LSAMP: variants seen among roughly 807,000 people sequenced by gnomAD.
LSAMP encodes limbic system-associated membrane protein.
LSAMP carries 7 observed loss-of-function variants against 38.6 expected under a neutral mutation model. That is an observed-to-expected ratio of 0.18 (90% CI 0.10 to 0.34). The LOEUF is 0.34. Among genes scored for constraint, LSAMP ranks in the 10% least tolerant of loss-of-function variants. LSAMP has a pLI of 1.00. For missense variants in LSAMP, 313 were observed against 420.0 expected, an observed-to-expected ratio of 0.75 and a Z score of 2.23; for synonymous variants, 154 against 166.8, an observed-to-expected ratio of 0.92 and a Z score of 0.59.
chr3:116,186,130 C>A (rs192272460), intron 1 of LSAMP, among the ~76,000 whole-genome samples: 36 of 152,178 alleles, frequency 2.4e-4, no homozygotes, highest in Admixed American at 2.2e-3. Context: ...GATTGTGTGT[C>A]TGGCTATGTC....
At chr3:116,349,828 G>C (rs2048113465) in intron 1 of LSAMP, among the ~76,000 whole-genome samples, 1 of 151,812 alleles carries the variant, frequency 6.6e-6, no homozygotes, top group Non-Finnish European at 1.5e-5. Flanking sequence ...AGTCTCTCTG[G>C]GGAAATAAAA....
At position 116,046,138 on chromosome 3, in the gene LSAMP, C is replaced by T. The variant is rs1047963279; in HGVS notation, c.389-26498G>A. Among the ~76,000 whole-genome samples the T allele has an allele frequency of 2.0e-5, 3 of 152,332 alleles. 1 individual carries two copies. On this transcript the variant is annotated intron_variant, in intron 2 of 6. Transcript: ENST00000490035. Reference sequence around the variant, plus strand: ...TTCTCTAATAAGTCATATAAGGAAACTCAGTCAACATAGCATTTCCTAGAA... The same window carrying T: ...TTCTCTAATAAGTCATATAAGGAAATTCAGTCAACATAGCATTTCCTAGAA...
intron 1 of LSAMP, among the ~76,000 whole-genome samples, chr3:116,126,737 C>T (rs1238826338): frequency 6.6e-6 from 1 of 152,140 alleles, no homozygotes; most frequent in African/African-American, 2.4e-5. Context: ...TGGTGCATGC[C>T]TGTAATCCCA....
chr3:116,285,363 T>A (rs1487469127), intron 1 of LSAMP, among the ~76,000 whole-genome samples: 1 of 152,126 alleles, frequency 6.6e-6, no homozygotes, highest in Non-Finnish European at 1.5e-5. Flanking sequence ...CCTTTTTCTC[T>A]TATAGATATA....
chr3:116,285,036 AC>A (rs2047174993), intron 1 of LSAMP, among the ~76,000 whole-genome samples: 1 of 152,204 alleles, frequency 6.6e-6, no homozygotes, highest in Admixed American at 6.5e-5. Flanking sequence ...AAGACAAATA[AC>A]AGAAACAACA....
chr3:115,981,699 A>G (rs1939365017), intron 3 of LSAMP, among the ~76,000 whole-genome samples: 1 of 152,170 alleles, frequency 6.6e-6, no homozygotes, highest in Admixed American at 6.6e-5. Flanking sequence ...GCTTTAGTCA[A>G]TATTGTCCCA....
At chr3:115,864,680 A>C (rs1028715907) in intron 3 of LSAMP, among the ~76,000 whole-genome samples, 1 of 152,118 alleles carries the variant, frequency 6.6e-6, no homozygotes, top group African/African-American at 2.4e-5. Context: ...GGAACTTCTA[A>C]GTTCCCTAGT....
chr3:115,869,058 C>T (rs1693885163), intron 3 of LSAMP, among the ~76,000 whole-genome samples: 1 of 152,006 alleles, frequency 6.6e-6, no homozygotes, highest in Non-Finnish European at 1.5e-5. Context: ...GTTTGAAAAC[C>T]ATTTAACTCA....
chr3:116,010,256 AT>A (rs751909167), intron 3 of LSAMP, among the ~76,000 whole-genome samples: 1 of 152,200 alleles, frequency 6.6e-6, no homozygotes, highest in Non-Finnish European at 1.5e-5. Context: ...AATGTCCTAT[AT>A]TTTAAAGATG....
chr3:115,944,814 A>G (rs1034983218), intron 3 of LSAMP, among the ~76,000 whole-genome samples: 2 of 152,148 alleles, frequency 1.3e-5, no homozygotes, highest in African/African-American at 2.4e-5. Flanking sequence ...GAGATCTTTA[A>G]CCTCTATGGT....
chr3:116,217,334 A>G (rs575224395), intron 1 of LSAMP, among the ~76,000 whole-genome samples: 21 of 152,360 alleles, frequency 1.4e-4, no homozygotes, highest in African/African-American at 4.1e-4. Flanking sequence ...CATTCACGTT[A>G]TAGAAGAGTG....
intron 1 of LSAMP, among the ~76,000 whole-genome samples, chr3:116,110,092 G>A (rs1231841605): frequency 6.6e-6 from 1 of 152,072 alleles, no homozygotes; most frequent in Admixed American, 6.5e-5. Context: ...TAGAAAAGTG[G>A]GACTTGCTGC....
rs185266924 is a variant in LSAMP, at chr3:116,178,528, A to G, written c.156-91972T>C. ...GGAGGCAATGATAAATCTAAGCCTT[A>G]GTACCTAAACCAGCAACATACAGAG... is the stretch of plus-strand genomic sequence containing the variant. On this transcript the variant is annotated intron_variant, in intron 1 of 6. Transcript: ENST00000490035. Among the ~76,000 whole-genome samples, 12 of 152,334 alleles carry G rather than the reference A, an allele frequency of 7.9e-5. No homozygotes were observed. The East Asian group carries it at 2.1e-3, about 27-fold the overall frequency.
chr3:116,427,156 C>T (rs1307012098), intron 1 of LSAMP, among the ~76,000 whole-genome samples: 2 of 139,304 alleles, frequency 1.4e-5, no homozygotes, highest in African/African-American at 5.3e-5. Flanking sequence ...CTCTGTCGCC[C>T]AGGCCGGACT....
intron 1 of LSAMP, among the ~76,000 whole-genome samples, chr3:116,351,337 G>T (rs2048136853): frequency 6.6e-6 from 1 of 151,982 alleles, no homozygotes; most frequent in Non-Finnish European, 1.5e-5. Context: ...TCAAAAGCTA[G>T]ACATGTGAAG....
chr3:115,902,173 C>T (rs1368876197), intron 3 of LSAMP, among the ~76,000 whole-genome samples: 1 of 151,888 alleles, frequency 6.6e-6, no homozygotes, highest in African/African-American at 2.4e-5. Context: ...TAAAAATGAG[C>T]TCATGCATTC....
At chr3:116,001,943 T>A (rs1176026219) in intron 3 of LSAMP, among the ~76,000 whole-genome samples, 2 of 152,154 alleles carry the variant, frequency 1.3e-5, no homozygotes, top group Non-Finnish European at 2.9e-5. Context: ...AATATAGACA[T>A]CTTTGGGGGG....
intron 1 of LSAMP, among the ~76,000 whole-genome samples, chr3:116,247,547 T>G (rs2107644686): frequency 1.3e-5 from 2 of 152,336 alleles, no homozygotes; most frequent in South Asian, 2.1e-4. Flanking sequence ...ATGGAGATTT[T>G]TAGAGATATT....
At chr3:116,434,749 A>G (rs1042934128) in intron 1 of LSAMP, among the ~76,000 whole-genome samples, 1 of 152,122 alleles carries the variant, frequency 6.6e-6, no homozygotes, top group African/African-American at 2.4e-5. Flanking sequence ...ACAGGGTGCC[A>G]CCACATTGGC....
Sources: gnomAD v4.1 joint callset for allele counts (sites outside exome capture counted in the v4.1 genomes callset) on GRCh38, gnomAD v4.1.1 for gene constraint, MANE v1.5 for transcripts, NCBI Gene and HGNC (gene_info 2026-07-23, HGNC 2026-07-21) for gene names.